The following ZBTB20 variants were observed in gnomAD, a reference collection of about 807,000 sequenced individuals.
The protein encoded by ZBTB20 is zinc finger and BTB domain containing 20.
Under a neutral mutation model 56.9 loss-of-function variants are expected in ZBTB20, and 9 were observed. The observed-to-expected ratio is 0.16, with a 90% CI of 0.10 to 0.28. ZBTB20 has a LOEUF of 0.28. Among genes scored for constraint, ZBTB20 ranks in the 10% least tolerant of loss-of-function variants. The pLI is 1.00. For synonymous variants in ZBTB20, 417 were observed against 420.7 expected (o/e 0.99, Z 0.11); for missense variants, 655 against 1,003.0 (o/e 0.65, Z 4.69).
At chr3:115,022,406 G>A (rs2080242340) in intron 2 of ZBTB20, among the ~76,000 whole-genome samples, 1 of 150,922 alleles carries the variant, frequency 6.6e-6, no homozygotes, top group South Asian at 2.1e-4. Context: ...TCTAAATATT[G>A]CACAATGTGC....
intron 5 of ZBTB20, among the ~76,000 whole-genome samples, chr3:114,717,081 C>T (rs1257438527): frequency 6.6e-6 from 1 of 152,100 alleles, no homozygotes; most frequent in Non-Finnish European, 1.5e-5. Flanking sequence ...CTGCTGCCTG[C>T]ACACTGTGTG....
At chr3:115,001,563 C>T (rs947548046) in intron 2 of ZBTB20, among the ~76,000 whole-genome samples, 1 of 150,026 alleles carries the variant, frequency 6.7e-6, no homozygotes, top group Non-Finnish European at 1.5e-5. Context: ...GAGAGTCAGG[C>T]ATTAAAGGTA....
chr3:115,074,300 T>G (rs762234146), intron 1 of ZBTB20, among the ~76,000 whole-genome samples: 4 of 152,142 alleles, frequency 2.6e-5, no homozygotes, highest in Non-Finnish European at 5.9e-5. Context: ...GTAAAAGGTA[T>G]TCATTAACTG....
intron 5 of ZBTB20, among the ~76,000 whole-genome samples, chr3:114,776,573 CT>C (rs1282280527): frequency 3.9e-5 from 6 of 152,336 alleles, no homozygotes; most frequent in Admixed American, 6.5e-5. Flanking sequence ...CGATTTTGGA[CT>C]TTTGGCTTCC....
rs1391825578 is a variant in ZBTB20 at position 114,314,883 on chromosome 3, T to A, written c.*24122A>T. On this transcript the variant is annotated 3_prime_UTR_variant, in exon 12 of 12. Transcript: ENST00000675478. Reference sequence around the variant, plus strand: ...TTAAATAACAAATACAAGTCACAGGTAAATATACGTGAGAAAAATACGAGG... The same window carrying A: ...TTAAATAACAAATACAAGTCACAGGAAAATATACGTGAGAAAAATACGAGG... The A allele has an allele frequency of 1.3e-5, 2 of 152,064 alleles. No individual in the cohort carries two copies. The highest frequency in any genetic ancestry group is 4.8e-5 in the African/African-American group (2 of 41,390). The allele number at this position is 152,064 out of a possible 1,614,324, so 9.4% of individuals were successfully genotyped here. A position where few individuals can be genotyped will look rare whatever the true frequency, so the allele number is the denominator to read the frequency against.
intron 7 of ZBTB20, among the ~76,000 whole-genome samples, chr3:114,482,585 A>G (rs540578711): frequency 6.6e-6 from 1 of 152,316 alleles, no homozygotes; most frequent in Non-Finnish European, 1.5e-5. Context: ...AGGGTTTAAA[A>G]TATTTTTATT....
Position 114,823,646 on chromosome 3 carries a change from C to T in ZBTB20, c.-416-22472G>A, listed in dbSNP as rs183224940. ...AATGAAATCTGTAAAATAAAGGATG[C>T]AAAAACATAGCGTGAAAATTTATGC... On this transcript the variant is annotated intron_variant, in intron 4 of 11. Coordinates refer to ENST00000675478, the MANE Select transcript of ZBTB20 (RefSeq NM_001348800.3). 8.5e-5 allele frequency among the ~76,000 whole-genome samples: 13 copies of T among 152,070 alleles called. No homozygotes were observed. The East Asian group carries it at 1.9e-3, about 23-fold the overall frequency.
intron 5 of ZBTB20, among the ~76,000 whole-genome samples, chr3:114,787,518 T>C (rs1003465527): frequency 7.9e-5 from 12 of 151,296 alleles, no homozygotes; most frequent in Admixed American, 6.6e-4. Flanking sequence ...ATGACAACTC[T>C]TGGAAAGACA....
chr3:114,970,750 T>C (rs907523654), intron 3 of ZBTB20, among the ~76,000 whole-genome samples: 1 of 152,158 alleles, frequency 6.6e-6, no homozygotes, highest in Non-Finnish European at 1.5e-5. Flanking sequence ...GGGCGGTGGC[T>C]CACGCCTGTA....
chr3:115,031,719 C>T (rs545940229), intron 2 of ZBTB20, among the ~76,000 whole-genome samples: 1 of 151,466 alleles, frequency 6.6e-6, no homozygotes. Flanking sequence ...ACACTAAGTG[C>T]TGTATTAGAA....
At chr3:114,770,433 G>A (rs2069115562) in intron 5 of ZBTB20, among the ~76,000 whole-genome samples, 1 of 145,384 alleles carries the variant, frequency 6.9e-6, no homozygotes, top group Non-Finnish European at 1.5e-5. Context: ...TGGGCAACAA[G>A]AGCAAAACTC....
intron 2 of ZBTB20, among the ~76,000 whole-genome samples, chr3:115,057,762 T>C (rs2081860140): frequency 6.6e-6 from 1 of 152,320 alleles, no homozygotes; most frequent in East Asian, 1.9e-4. Flanking sequence ...TCAGCTTTTA[T>C]GTCCCCAAAA....
At chr3:115,136,378 A>C (rs1011336740) in intron 1 of ZBTB20, among the ~76,000 whole-genome samples, 2 of 152,122 alleles carry the variant, frequency 1.3e-5, no homozygotes, top group Non-Finnish European at 2.9e-5. Context: ...CCTGATCAAC[A>C]TTGAATTCCT....
chr3:115,016,364 C>T (rs1463527358), intron 2 of ZBTB20, among the ~76,000 whole-genome samples: 2 of 151,652 alleles, frequency 1.3e-5, no homozygotes, highest in Non-Finnish European at 2.9e-5. Context: ...TTGCTTTTAG[C>T]GTTTTTGTCA....
intron 5 of ZBTB20, among the ~76,000 whole-genome samples, chr3:114,753,057 C>A (rs533750290): frequency 1.3e-5 from 2 of 152,040 alleles, no homozygotes; most frequent in Admixed American, 1.3e-4. Context: ...AAGTTTCCCA[C>A]AAGAAGTGTC....
chr3:114,695,282 C>T (rs947298923), intron 5 of ZBTB20, among the ~76,000 whole-genome samples: 7 of 151,846 alleles, frequency 4.6e-5, no homozygotes, highest in African/African-American at 1.7e-4. Context: ...AAAGCTTAGG[C>T]CTGCCACCTG....
At chr3:115,141,114 T>C (rs2084800744) in intron 1 of ZBTB20, among the ~76,000 whole-genome samples, 1 of 152,152 alleles carries the variant, frequency 6.6e-6, no homozygotes. Context: ...GAAAACAGAC[T>C]GTTGGCCCAA....
intron 6 of ZBTB20, chr3:114,624,996 C>T (rs1487167264): frequency 6.6e-6 from 1 of 152,634 alleles, no homozygotes; most frequent in Non-Finnish European, 1.5e-5. Context: ...GTCCACATCA[C>T]TAAGCGACTG....
intron 5 of ZBTB20, among the ~76,000 whole-genome samples, chr3:114,761,047 T>C (rs1301546672): frequency 2.0e-5 from 3 of 152,136 alleles, no homozygotes; most frequent in African/African-American, 4.8e-5. Flanking sequence ...CTAGAAACTA[T>C]ACAGAATTCT....
Sources: gnomAD v4.1 joint callset for allele counts (sites outside exome capture counted in the v4.1 genomes callset) on GRCh38, gnomAD v4.1.1 for gene constraint, MANE v1.5 for transcripts, NCBI Gene and HGNC (gene_info 2026-07-23, HGNC 2026-07-21) for gene names.